ATMIN: variants seen among roughly 807,000 people sequenced by gnomAD.
ATMIN encodes the protein ATM interactor, also known as ATM INteracting protein.
A neutral mutation model predicts 49.2 loss-of-function variants in ATMIN; 24 were observed. That is an observed-to-expected ratio of 0.49 (90% CI 0.35 to 0.69). The LOEUF (loss-of-function observed/expected upper bound fraction) is 0.69. Ranked by LOEUF, ATMIN falls within the 30% of genes least tolerant of loss-of-function variation. The pLI is 0.00. For synonymous variants in ATMIN, 450 were observed against 392.5 expected (o/e 1.15, Z -1.73); for missense variants, 1,037 against 1,005.5 (o/e 1.03, Z -0.42).
rs974247962 is a variant in ATMIN, at chr16:81,042,519, A to G, written c.662+39A>G. Reference sequence around the variant, plus strand: ...AATGATGGCACAGAAGTCAGTAGCTATGGGAAGCATTTCAGATGAAACATC... The same window carrying G: ...AATGATGGCACAGAAGTCAGTAGCTGTGGGAAGCATTTCAGATGAAACATC... On this transcript the variant is annotated intron_variant, in intron 3 of 3. Coordinates refer to ENST00000299575, the MANE Select transcript of ATMIN (RefSeq NM_015251.3). 6 of 1,591,732 alleles carry G rather than the reference A, an allele frequency of 3.8e-6. No homozygotes were observed. The African/African-American group carries it at 4.0e-5, about 11-fold the overall frequency.
Position 81,047,162 on chromosome 16 carries a change from GT to G in ATMIN, c.*2195del, listed in dbSNP as rs944148686. The G allele has an allele frequency of 6.6e-6, 1 of 152,518 alleles. No individual in the cohort carries two copies. The highest frequency in any genetic ancestry group is 1.5e-5 in the Non-Finnish European group (1 of 68,022). The allele number at this position is 152,518 out of a possible 1,614,324, so 9.4% of individuals were successfully genotyped here. On this transcript the variant is annotated 3_prime_UTR_variant, in exon 4 of 4. Coordinates refer to ENST00000299575, the MANE Select transcript of ATMIN (RefSeq NM_015251.3). Reference sequence around the variant, plus strand: ...ATGAGCATGTAATAATACAAGAACTGTTTCCCCCTCAAAACCTGAACCTGAA... The same window carrying G: ...ATGAGCATGTAATAATACAAGAACTGTTCCCCCTCAAAACCTGAACCTGAA...
chr16:81,043,507 G>A lies in ATMIN; in HGVS notation c.1009G>A (p.Ala337Thr). 6.2e-7 allele frequency: 1 copy of A among 1,614,128 alleles called. No homozygotes were observed. Among genetic ancestry groups the A allele is most frequent in the Non-Finnish European group, 8.5e-7 (1 of 1,180,032 alleles). The change falls in exon 4 of 4, where the codon GCC becomes ACC. Residue 337 changes from alanine to threonine, a missense_variant. Transcript: ENST00000299575. ...GGTGTTAGGTGTTGATCAGGGCTCTGCCACAGGGGCTGTGCACTTAATGCC... is the reference window on the plus strand; with the variant it reads ...GGTGTTAGGTGTTGATCAGGGCTCTACCACAGGGGCTGTGCACTTAATGCC... ...PVVLGVDQGS[A>T]TGAVHLMPLS... is the part of the protein sequence containing the mutation.
Position 81,043,150 on chromosome 16 carries a change from A to G in ATMIN, c.663-11A>G, listed in dbSNP as rs1971062572. The G allele has an allele frequency of 1.9e-6, 3 of 1,584,874 alleles. No individual in the cohort carries two copies. In the Admixed American group the frequency reaches 5.8e-5, roughly 31 times the overall value. On this transcript the variant is annotated splice_polypyrimidine_tract_variant and intron_variant, in intron 3 of 3. Transcript: ENST00000299575. ...TTTAAGGTTTTCTTTTTGCTCTGTC[A>G]TTGTTTTCAGGGACCCACCTAGTAA... is the stretch of plus-strand genomic sequence containing the variant.
At chr16:81,042,544 C>T in intron 3 of ATMIN, 64 bp downstream of exon 3, 1 of 1,511,526 alleles carries the variant, frequency 6.6e-7, no homozygotes, top group African/African-American at 1.4e-5. Flanking sequence ...GATGAAACAT[C>T]CTGGAGAGCC....
Position 81,044,959 on chromosome 16 carries a change from T to C in ATMIN, c.2461T>C (p.Ser821Pro). The change falls in exon 4 of 4, where the codon TCC (serine) becomes CCC (proline). Residue 821 changes from serine to proline, a missense_variant. By Grantham distance (74) the Ser-to-Pro change is moderately conservative (BLOSUM62 -1). Coordinates refer to ENST00000299575, the MANE Select transcript of ATMIN (RefSeq NM_015251.3). ...TQTSAEPHTV[S>P]NF ...GACTTCTGCGGAACCACACACAGTC[T>C]CCAACTTCTAAAACTAACGGTGGAG... is the stretch of plus-strand genomic sequence containing the variant. 1.2e-6 allele frequency: 2 copies of C among 1,611,602 alleles called. No homozygotes were observed. Among genetic ancestry groups the C allele is most frequent in the Non-Finnish European group, 1.7e-6 (2 of 1,178,256 alleles).
At chr16:81,042,246 G>A in intron 2 of ATMIN, 35 bp from the exon 3 acceptor site, 1 of 1,600,930 alleles carries the variant, frequency 6.2e-7, no homozygotes, top group South Asian at 1.1e-5. Flanking sequence ...ACCAGTTGCT[G>A]TTTTTCACCT....
chr16:81,039,120 T>C (rs897954054), intron 1 of ATMIN, among the ~76,000 whole-genome samples: 2 of 152,118 alleles, frequency 1.3e-5, no homozygotes, highest in African/African-American at 2.4e-5. Flanking sequence ...TGATACCTGT[T>C]TTCAAAGTAC....
At chr16:81,038,068 A>G (rs1970975070) in intron 1 of ATMIN, among the ~76,000 whole-genome samples, 1 of 152,166 alleles carries the variant, frequency 6.6e-6, no homozygotes, top group Non-Finnish European at 1.5e-5. Context: ...TGTTGAACAT[A>G]AAGATACCAT....
intron 1 of ATMIN, chr16:81,037,032 C>A: frequency 3.3e-6 from 1 of 304,348 alleles, no homozygotes; most frequent in Non-Finnish European, 4.8e-6. Flanking sequence ...ATAGTCTCAA[C>A]AACCCTCCAC....
rs1344480518 is a variant in ATMIN, at chr16:81,042,956, CCTT to C, written c.663-202_663-200del. ...GAGCTTAACAAAAGGTATGTTTCCT[CCTT>C]CTCTGTTTGCATGTTTCTCAAAGTT... On this transcript the variant is annotated intron_variant, in intron 3 of 3. Transcript: ENST00000299575. Among the ~76,000 whole-genome samples the C allele has an allele frequency of 2.5e-4, 38 of 152,126 alleles. 1 individual carries two copies. The highest frequency in any genetic ancestry group is 7.4e-5 in the Non-Finnish European group (5 of 68,026).
At position 81,045,615 on chromosome 16, in the gene ATMIN, T is replaced by G. The variant is rs1328005368; in HGVS notation, c.*645T>G. ...ACCTCTTCGCTACATGAACTACTAT[T>G]GATACCAGCATACAAGTGTACAGCA... On this transcript the variant is annotated 3_prime_UTR_variant, in exon 4 of 4. Coordinates refer to ENST00000299575, the MANE Select transcript of ATMIN (RefSeq NM_015251.3). 1.3e-5 allele frequency: 2 copies of G among 152,620 alleles called. No homozygotes were observed. The highest frequency in any genetic ancestry group is 4.8e-5 in the African/African-American group (2 of 41,464). 9.5% of individuals were successfully genotyped at this position (152,620 alleles called of 1,614,324 possible). A position where few individuals can be genotyped will look rare whatever the true frequency, so the allele number is the denominator to read the frequency against.
At chr16:81,041,133 T>A in intron 1 of ATMIN, 1 of 457,580 alleles carries the variant, frequency 2.2e-6, no homozygotes, top group East Asian at 4.2e-5. Flanking sequence ...AGGAATTCAG[T>A]AATGGTCAAA....
chr16:81,039,359 A>G (rs368120829), intron 1 of ATMIN, among the ~76,000 whole-genome samples: 5 of 151,900 alleles, frequency 3.3e-5, no homozygotes, highest in Non-Finnish European at 7.4e-5. Context: ...TCCCCTCCCC[A>G]CTAGTTGCTG....
Position 81,036,163 on chromosome 16 carries a change from GC to G in ATMIN, c.297del (p.Ala100ArgfsTer6). 1 of 1,473,944 alleles carries G rather than the reference GC, an allele frequency of 6.8e-7. No homozygotes were observed. 91.3% of individuals were successfully genotyped at this position (1,473,944 alleles called of 1,614,324 possible). On this transcript the variant is annotated frameshift_variant, in exon 1 of 4. Coordinates refer to ENST00000299575, the MANE Select transcript of ATMIN (RefSeq NM_015251.3). LOFTEE classifies it high-confidence loss of function. Reference protein sequence around the residue: ...VRGCGKILPNSPALNMHLVKS... With the variant: ...VRGCGKILPNXPALNMHLVKS... ...GGCTGCGGCAAGATCCTGCCCAACA[GC>G]CCCGCGCTCAACATGCACCTAGTCA...
chr16:81,047,106 T>C lies in ATMIN; in HGVS notation c.*2136T>C, dbSNP rs1971134385. ...TTGTTTCTGTGACAATGTTTGTAAATCTAGCCAATAGAGTCATTTACAGAA... is the reference window on the plus strand; with the variant it reads ...TTGTTTCTGTGACAATGTTTGTAAACCTAGCCAATAGAGTCATTTACAGAA... On this transcript the variant is annotated 3_prime_UTR_variant, in exon 4 of 4. Transcript: ENST00000299575. The C allele has an allele frequency of 6.6e-6, 1 of 152,598 alleles. No individual in the cohort carries two copies. Among genetic ancestry groups the C allele is most frequent in the Non-Finnish European group, 1.5e-5 (1 of 68,034 alleles). The allele number at this position is 152,598 out of a possible 1,614,324, so 9.5% of individuals were successfully genotyped here. A position where few individuals can be genotyped will look rare whatever the true frequency, so the allele number is the denominator to read the frequency against.
At chr16:81,042,207 G>T (rs1971047720) in intron 2 of ATMIN, 74 bp from the exon 3 acceptor site, 1 of 1,202,340 alleles carries the variant, frequency 8.3e-7, no homozygotes. Flanking sequence ...TTATTAATTT[G>T]GGTGTATGAT....
rs1971127001 is a variant in ATMIN at position 81,046,669 on chromosome 16, C to CAA, written c.*1700_*1701insAA. On this transcript the variant is annotated 3_prime_UTR_variant, in exon 4 of 4. Transcript: ENST00000299575. ...TGTAAGTTCTCCACATTGACACACA[C>CAA]ACACACACACACACACACACACGAC... 1 of 151,574 alleles carries CAA rather than the reference C, an allele frequency of 6.6e-6. No homozygotes were observed. Among genetic ancestry groups the CAA allele is most frequent in the East Asian group, 1.9e-4 (1 of 5,146 alleles). The allele number at this position is 151,574 out of a possible 1,614,324, so 9.4% of individuals were successfully genotyped here.
chr16:81,041,945 T>A (rs1305487476), intron 2 of ATMIN, among the ~76,000 whole-genome samples: 2 of 151,294 alleles, frequency 1.3e-5, no homozygotes, highest in East Asian at 3.9e-4. Flanking sequence ...TCTGAAATGT[T>A]CCCCTGAGGG....
At chr16:81,037,596 T>A in intron 1 of ATMIN, 1 of 713,358 alleles carries the variant, frequency 1.4e-6, no homozygotes, top group Non-Finnish European at 1.7e-6. Flanking sequence ...GTTTTCATAC[T>A]AAATTTTAAC....
Sources: gnomAD v4.1 joint callset for allele counts (sites outside exome capture counted in the v4.1 genomes callset) on GRCh38, gnomAD v4.1.1 for gene constraint, MANE v1.5 for transcripts, NCBI Gene and HGNC (gene_info 2026-07-23, HGNC 2026-07-21) for gene names.